RERE: variants seen among roughly 807,000 people sequenced by gnomAD.
The protein encoded by RERE is arginine-glutamic acid dipeptide repeats.
RERE carries 40 observed loss-of-function variants against 146.1 expected under a neutral mutation model. The ratio of observed to expected loss-of-function variants is 0.27; its 90% CI spans 0.21 to 0.36. The LOEUF (loss-of-function observed/expected upper bound fraction) is 0.36, where lower values mean the gene tolerates loss of function less well. RERE is among the 10% of genes least tolerant of loss of function. RERE has a pLI of 1.00. For synonymous variants in RERE, 1,003 were observed against 866.0 expected (o/e 1.16, Z -2.78); for missense variants, 1,933 against 2,138.7 (o/e 0.90, Z 1.90).
intron 1 of RERE, among the ~76,000 whole-genome samples, chr1:8,756,618 G>A (rs980525680): frequency 6.6e-6 from 1 of 152,068 alleles, no homozygotes; most frequent in African/African-American, 2.4e-5. Context: ...TTTTATTACT[G>A]GTAATATTCT....
intron 6 of RERE, among the ~76,000 whole-genome samples, chr1:8,547,296 T>C (rs1285750687): frequency 3.9e-5 from 6 of 152,216 alleles, no homozygotes; most frequent in Admixed American, 1.3e-4. Context: ...ACAATCAACA[T>C]AGGTATTTTA....
intron 6 of RERE, among the ~76,000 whole-genome samples, chr1:8,544,729 A>G (rs939278082): frequency 6.6e-6 from 1 of 152,188 alleles, no homozygotes; most frequent in Non-Finnish European, 1.5e-5. Flanking sequence ...CTTAAAATCT[A>G]CATTGTACTG....
intron 12 of RERE, among the ~76,000 whole-genome samples, chr1:8,370,264 C>A (rs141840838): frequency 6.6e-6 from 1 of 151,956 alleles, no homozygotes; most frequent in African/African-American, 2.4e-5. Context: ...CAGACAGGGA[C>A]GGTGGGTGCT....
chr1:8,679,255 C>A (rs1460834976), intron 1 of RERE, among the ~76,000 whole-genome samples: 2 of 152,214 alleles, frequency 1.3e-5, no homozygotes, highest in Non-Finnish European at 2.9e-5. Context: ...ATCTTTGACT[C>A]TCACAAAGGC....
At chr1:8,465,895 A>G (rs1557644668) in intron 11 of RERE, 30 bp downstream of exon 11, 2 of 1,596,580 alleles carry the variant, frequency 1.3e-6, no homozygotes, top group Non-Finnish European at 1.7e-6. Flanking sequence ...GATGCCCCAG[A>G]GCACAAGGCA....
rs78374666 is a variant in RERE at position 8,606,489 on chromosome 1, C to A, written c.522+8072G>T. On this transcript the variant is annotated intron_variant, in intron 4 of 22. Transcript: ENST00000400908. ...AGGATGCTCCAGAGAAAAATTATAT[C>A]TGTAAGCAGTTTCAATCTCCTCATT... Among the ~76,000 whole-genome samples the A allele has an allele frequency of 8.0e-3, 1,214 of 152,232 alleles. 13 individuals are homozygous for A. The highest frequency in any genetic ancestry group is 0.028 in the African/African-American group (1,160 of 41,540).
intron 11 of RERE, among the ~76,000 whole-genome samples, chr1:8,463,947 CCTT>C (rs1644561116): frequency 6.6e-6 from 1 of 152,188 alleles, no homozygotes; most frequent in Non-Finnish European, 1.5e-5. Flanking sequence ...CTTTTCATCT[CCTT>C]ATGTGTTTCT....
In RERE at chr1:8,353,690, C is replaced by G. The variant is rs1002431986; in HGVS notation, c.*1397G>C. On this transcript the variant is annotated 3_prime_UTR_variant, in exon 23 of 23. Transcript: ENST00000400908. Reference sequence around the variant, plus strand: ...GCCTGGCCTCCTGAGAAGCAGCCCCCACACAGCATGCTTTCTGAATGCACT... The same window carrying G: ...GCCTGGCCTCCTGAGAAGCAGCCCCGACACAGCATGCTTTCTGAATGCACT... 2 of 152,258 alleles carry G rather than the reference C, an allele frequency of 1.3e-5. No individual in the cohort carries two copies. The highest frequency in any genetic ancestry group is 2.9e-5 in the Non-Finnish European group (2 of 68,068). The allele number at this position is 152,258 out of a possible 1,614,324, so 9.4% of individuals were successfully genotyped here.
Position 8,614,574 on chromosome 1 carries a change from C to T in RERE, c.509G>A (p.Arg170Lys). 6.2e-7 allele frequency: 1 copy of T among 1,613,136 alleles called. No homozygotes were observed. The highest frequency in any genetic ancestry group is 1.1e-5 in the South Asian group (1 of 90,914). ...GATTCTCCTTACCCCTACAGGCCCTCTCCCGGCTTCAGAAAGATGCTGTGG... is the reference window on the plus strand; with the variant it reads ...GATTCTCCTTACCCCTACAGGCCCTTTCCCGGCTTCAGAAAGATGCTGTGG... ...QPPQHLSEAG[R>K]GPVGSKRDHL... The change falls in exon 4 of 23, where the codon AGA (arginine) becomes AAA (lysine). Residue 170 changes from arginine to lysine, a missense_variant. This residue lies in a region of RERE where 74 missense variants were observed against 99.6 expected (regional missense o/e 0.74). Coordinates refer to ENST00000400908, the MANE Select transcript of RERE (RefSeq NM_001042681.2).
intron 4 of RERE, among the ~76,000 whole-genome samples, chr1:8,592,623 A>G (rs1219878128): frequency 6.6e-6 from 1 of 151,874 alleles, no homozygotes; most frequent in Non-Finnish European, 1.5e-5. Flanking sequence ...GGTTCACGCC[A>G]GTAATTCCAG....
intron 2 of RERE, among the ~76,000 whole-genome samples, chr1:8,647,641 A>ATGTGTGTGTGTGTGTGTGTG (rs1553127411): frequency 6.7e-6 from 1 of 148,534 alleles, no homozygotes; most frequent in African/African-American, 2.5e-5. Flanking sequence ...TAAAATATGT[A>ATGTGTGTGTGTGTGTGTGTG]TGTGTGTGTG....
At chr1:8,582,242 C>G (rs1208062908) in intron 4 of RERE, among the ~76,000 whole-genome samples, 1 of 152,106 alleles carries the variant, frequency 6.6e-6, no homozygotes, top group Non-Finnish European at 1.5e-5. Flanking sequence ...GTTACCCAGG[C>G]TGCAGCGCAG....
chr1:8,447,255 G>C (rs1416962502), intron 11 of RERE, among the ~76,000 whole-genome samples: 1 of 151,644 alleles, frequency 6.6e-6, no homozygotes, highest in Non-Finnish European at 1.5e-5. Context: ...CTTTAGCTCG[G>C]AGGAGTTTGT....
chr1:8,726,721 AT>A (rs1214231024), intron 1 of RERE, among the ~76,000 whole-genome samples: 4 of 152,162 alleles, frequency 2.6e-5, no homozygotes, highest in Non-Finnish European at 1.5e-5. Flanking sequence ...TCCTTCTAAT[AT>A]TTTTTAGCCT....
At chr1:8,645,047 C>T (rs1464310519) in intron 2 of RERE, among the ~76,000 whole-genome samples, 1 of 152,130 alleles carries the variant, frequency 6.6e-6, no homozygotes, top group African/African-American at 2.4e-5. Flanking sequence ...TGACTTTGGC[C>T]TCCATGTCTT....
intron 2 of RERE, among the ~76,000 whole-genome samples, chr1:8,634,235 T>C (rs1647068782): frequency 6.6e-6 from 1 of 152,212 alleles, no homozygotes; most frequent in Non-Finnish European, 1.5e-5. Context: ...AGGACCCAAA[T>C]GCCACCAACT....
intron 1 of RERE, among the ~76,000 whole-genome samples, chr1:8,718,777 A>G (rs1236235046): frequency 1.3e-5 from 2 of 152,248 alleles, no homozygotes; most frequent in Non-Finnish European, 2.9e-5. Context: ...AACCTTGGGA[A>G]AGTCTCCATA....
intron 11 of RERE, among the ~76,000 whole-genome samples, chr1:8,455,105 A>C (rs1345710255): frequency 6.6e-6 from 1 of 152,222 alleles, no homozygotes; most frequent in African/African-American, 2.4e-5. Context: ...CCAGGACGTC[A>C]GCAGCCCTCA....
chr1:8,487,785 C>T (rs1363738919), intron 10 of RERE, among the ~76,000 whole-genome samples: 1 of 151,950 alleles, frequency 6.6e-6, no homozygotes, highest in Non-Finnish European at 1.5e-5. Flanking sequence ...TTTAGCAGGA[C>T]CAAAAAAAGC....
Sources: gnomAD v4.1 joint callset for allele counts (sites outside exome capture counted in the v4.1 genomes callset) on GRCh38, gnomAD v4.1.1 for gene constraint, gnomAD v4.1.1 regional missense constraint, MANE v1.5 for transcripts, NCBI Gene and HGNC (gene_info 2026-07-23, HGNC 2026-07-21) for gene names.